FBXO34: variants seen among roughly 807,000 people sequenced by gnomAD.
FBXO34 encodes F-box only protein 34.
In FBXO34, 12 loss-of-function variants were observed where a neutral mutation model predicts 24.5. That is an observed-to-expected ratio of 0.49 (90% CI 0.31 to 0.79). The LOEUF (loss-of-function observed/expected upper bound fraction) is 0.79, where lower values mean the gene tolerates loss of function less well. FBXO34 is among the 30% of genes least tolerant of loss of function. The pLI, the probability that FBXO34 is intolerant of heterozygous loss-of-function variation, is 0.04. For missense variants in FBXO34, 823 were observed against 857.7 expected, an observed-to-expected ratio of 0.96 and a Z score of 0.51; for synonymous variants, 320 against 311.9, an observed-to-expected ratio of 1.03 and a Z score of -0.27.
At chr14:55,433,641 C>T in the FBXO34 span, 82 of 1,613,850 alleles carry the variant, frequency 5.1e-5, no homozygotes, top group Middle Eastern at 1.6e-4. Context: ...TTTTGGCTCC[C>T]GTGCAGACCA....
At chr14:55,323,573 G>C (rs754268969) in intron 1 of FBXO34, among the ~76,000 whole-genome samples, 3 of 151,776 alleles carry the variant, frequency 2.0e-5, no homozygotes, top group Non-Finnish European at 1.5e-5. Context: ...AGTAGAGACG[G>C]AGTTTCACTA....
chr14:55,346,540 T>G (rs1884166385), intron 1 of FBXO34, among the ~76,000 whole-genome samples: 1 of 152,148 alleles, frequency 6.6e-6, no homozygotes, highest in African/African-American at 2.4e-5. Context: ...GGGGAGAGTG[T>G]GTCACTGGAA....
At chr14:55,395,461 T>C in the FBXO34 span, among the ~76,000 whole-genome samples, 1 of 152,240 alleles carries the variant, frequency 6.6e-6, no homozygotes, top group African/African-American at 2.4e-5. Flanking sequence ...CAAGTGATTC[T>C]CCTGCCTCAG....
chr14:55,404,799 G>A, the FBXO34 span, among the ~76,000 whole-genome samples: 4 of 152,156 alleles, frequency 2.6e-5, no homozygotes, highest in Non-Finnish European at 5.9e-5. Flanking sequence ...CACACATGCA[G>A]AGTATAAAAA....
chr14:55,292,993 C>T (rs552066144), intron 1 of FBXO34, among the ~76,000 whole-genome samples: 1 of 152,274 alleles, frequency 6.6e-6, no homozygotes, highest in Non-Finnish European at 1.5e-5. Context: ...AGCAGTTCTC[C>T]TCCCTCAGCC....
At chr14:55,283,968 GTGTGTGTC>G (rs1881658968) in intron 1 of FBXO34, among the ~76,000 whole-genome samples, 7 of 147,646 alleles carry the variant, frequency 4.7e-5, no homozygotes, top group South Asian at 2.1e-4. Flanking sequence ...GTGTGTGTGT[GTGTGTGTC>G]TGTGTGTGTG....
chr14:55,304,826 C>G (rs569438482), intron 1 of FBXO34, among the ~76,000 whole-genome samples: 74 of 152,200 alleles, frequency 4.9e-4, no homozygotes, highest in South Asian at 3.9e-3. Flanking sequence ...TTGTAATAAT[C>G]TTTCTAGGTT....
chr14:55,367,186 A>T (rs1936899760), exon 3 of FBXO34: 1 of 152,254 alleles, frequency 6.6e-6, no homozygotes, highest in Non-Finnish European at 1.5e-5. Context: ...GGCTTAAGAA[A>T]ACCATGACTG....
chr14:55,433,307 CTCTTTTTT>C, the FBXO34 span, among the ~76,000 whole-genome samples: 2 of 103,872 alleles, frequency 1.9e-5, no homozygotes, highest in Non-Finnish European at 3.7e-5. Flanking sequence ...TTTTAGATTT[CTCTTTTTT>C]TTTTTTTTTT....
At chr14:55,355,838 G>C (rs1180431235), downstream of FBXO34, among the ~76,000 whole-genome samples, 2 of 152,164 alleles carry the variant, frequency 1.3e-5, no homozygotes, top group South Asian at 4.1e-4. Context: ...GTGCCTCCAG[G>C]ACCTGACTGC....
chr14:55,299,273 G>A (rs1882256949), intron 1 of FBXO34: 7 of 775,232 alleles, frequency 9.0e-6, no homozygotes, highest in Non-Finnish European at 1.4e-5. Context: ...TGGGTCCAGC[G>A]CGGGCAGGAT....
At chr14:55,274,138 C>T (rs1881257394) in intron 1 of FBXO34, among the ~76,000 whole-genome samples, 1 of 152,170 alleles carries the variant, frequency 6.6e-6, no homozygotes, top group South Asian at 2.1e-4. Flanking sequence ...GGATGAAAGT[C>T]AGACTAAATA....
chr14:55,382,254 A>G, the FBXO34 span: 1 of 1,428,584 alleles, frequency 7.0e-7, no homozygotes, highest in Non-Finnish European at 9.8e-7. Context: ...ATGCAATATA[A>G]CTGCAAGACA....
At chr14:55,370,138 C>G (rs1455572704), downstream of FBXO34, among the ~76,000 whole-genome samples, 1 of 152,164 alleles carries the variant, frequency 6.6e-6, no homozygotes, top group Non-Finnish European at 1.5e-5. Flanking sequence ...ATCATGATAC[C>G]ACACTTTCCC....
chr14:55,374,534 C>T (rs8013713), downstream of FBXO34, among the ~76,000 whole-genome samples: 57,816 of 152,070 alleles, frequency 0.38, 11,455 homozygotes, highest in Non-Finnish European at 0.42. Context: ...ACTCAGAGTT[C>T]TGACACAGGA....
the FBXO34 span, among the ~76,000 whole-genome samples, chr14:55,435,212 G>A: frequency 1.3e-5 from 2 of 152,040 alleles, no homozygotes; most frequent in Non-Finnish European, 2.9e-5. Context: ...GACAACATTT[G>A]GCAAAAATTA....
chr14:55,349,602 A>ATTT (rs1555339656), intron 1 of FBXO34, among the ~76,000 whole-genome samples: 2 of 90,350 alleles, frequency 2.2e-5, no homozygotes, highest in Admixed American at 9.8e-5. Context: ...GGAAGCAATA[A>ATTT]TTTTCTTTTT....
At chr14:55,335,450 T>C (rs1467968632) in intron 1 of FBXO34, 1 of 152,238 alleles carries the variant, frequency 6.6e-6, no homozygotes, top group African/African-American at 2.4e-5. Flanking sequence ...CTTCTGACTT[T>C]GATCTGTGAC....
In FBXO34 at chr14:55,305,168, T is replaced by A. The variant is rs10148963; in HGVS notation, c.-11+33631T>A. Reference sequence around the variant, plus strand: ...TGGCTCATGCCTATAATCCCGACACTTCAGGAGGTCGAGGCGGGTGGATCA... The same window carrying A: ...TGGCTCATGCCTATAATCCCGACACATCAGGAGGTCGAGGCGGGTGGATCA... On this transcript the variant is annotated intron_variant, in intron 1 of 1. Transcript: ENST00000313833. Among the ~76,000 whole-genome samples, 590 of 152,246 alleles carry A rather than the reference T, an allele frequency of 3.9e-3. 4 individuals carry two copies. Among genetic ancestry groups the A allele is most frequent in the African/African-American group, 0.014 (572 of 41,556 alleles).
Sources: gnomAD v4.1 joint callset for allele counts (sites outside exome capture counted in the v4.1 genomes callset) on GRCh38, gnomAD v4.1.1 for gene constraint, MANE v1.5 for transcripts, NCBI Gene and HGNC (gene_info 2026-07-23, HGNC 2026-07-21) for gene names.